ACER2: variants seen among roughly 807,000 people sequenced by gnomAD.
ACER2 encodes the protein alkCDase 2.
A neutral mutation model predicts 34.7 loss-of-function variants in ACER2; 26 were observed. The ratio of observed to expected loss-of-function variants is 0.75; its 90% CI spans 0.55 to 1.04. The LOEUF (loss-of-function observed/expected upper bound fraction) is 1.04. Among genes scored for constraint, ACER2 ranks in the 50% least tolerant of loss-of-function variants. ACER2 has a pLI of 0.00. For missense variants in ACER2, 352 were observed against 340.8 expected (o/e 1.03, Z -0.26); for synonymous variants, 138 against 132.1 (o/e 1.04, Z -0.31).
At chr9:19,448,922 C>G (rs1235581797) in intron 5 of ACER2, among the ~76,000 whole-genome samples, 1 of 152,148 alleles carries the variant, frequency 6.6e-6, no homozygotes, top group Non-Finnish European at 1.5e-5. Context: ...AGGTGGATCA[C>G]CAGGTCAGGA....
chr9:19,427,633 CT>C (rs1163269151), intron 3 of ACER2, among the ~76,000 whole-genome samples: 3 of 133,066 alleles, frequency 2.3e-5, no homozygotes, highest in Non-Finnish European at 4.6e-5. Flanking sequence ...CCCTCCCCCC[CT>C]CCTTTCTTTT....
At chr9:19,444,453 C>T (rs1421719529) in intron 4 of ACER2, among the ~76,000 whole-genome samples, 4 of 152,064 alleles carry the variant, frequency 2.6e-5, no homozygotes, top group Non-Finnish European at 4.4e-5. Flanking sequence ...ACCTCTGGTC[C>T]GCCCGCCTCG....
intron 3 of ACER2, among the ~76,000 whole-genome samples, chr9:19,432,959 A>G (rs1332645897): frequency 6.6e-6 from 1 of 151,600 alleles, no homozygotes; most frequent in Non-Finnish European, 1.5e-5. Context: ...GAAAAAATAC[A>G]GAGAAATCGA....
chr9:19,439,269 C>T (rs1331827600), intron 4 of ACER2, among the ~76,000 whole-genome samples: 1 of 151,956 alleles, frequency 6.6e-6, no homozygotes, highest in African/African-American at 2.4e-5. Context: ...ATTGATTATT[C>T]CCTCCACTCT....
intron 5 of ACER2, among the ~76,000 whole-genome samples, chr9:19,449,776 C>T (rs375523861): frequency 2.0e-5 from 3 of 151,556 alleles, no homozygotes; most frequent in African/African-American, 7.3e-5. Context: ...CCTGTAATCC[C>T]AGCTACTTGG....
intron 3 of ACER2, among the ~76,000 whole-genome samples, chr9:19,426,061 A>G (rs1420972277): frequency 1.3e-5 from 2 of 152,102 alleles, no homozygotes; most frequent in African/African-American, 4.8e-5. Context: ...GTGATATCCT[A>G]ATTTTAGAAT....
chr9:19,411,830 C>T (rs1830095570), intron 1 of ACER2, among the ~76,000 whole-genome samples: 1 of 152,166 alleles, frequency 6.6e-6, no homozygotes, highest in Non-Finnish European at 1.5e-5. Flanking sequence ...CACTACTACA[C>T]CTTCAGATAC....
intron 1 of ACER2, among the ~76,000 whole-genome samples, chr9:19,418,826 C>T (rs571664009): frequency 6.6e-6 from 1 of 152,162 alleles, no homozygotes; most frequent in Admixed American, 6.5e-5. Context: ...ACATATATCC[C>T]AGAACTTAAA....
chr9:19,449,388 G>T (rs1192611400), intron 5 of ACER2, among the ~76,000 whole-genome samples: 1 of 152,110 alleles, frequency 6.6e-6, no homozygotes, highest in African/African-American at 2.4e-5. Flanking sequence ...TTTGTATGTA[G>T]GGATTTAAAC....
At chr9:19,424,230 C>T (rs959365628) in intron 2 of ACER2, 58 of 460,866 alleles carry the variant, frequency 1.3e-4, no homozygotes, top group Non-Finnish European at 1.5e-4. Flanking sequence ...ATTTTCTGAA[C>T]GTCTGAAGAA....
intron 5 of ACER2, among the ~76,000 whole-genome samples, chr9:19,449,329 C>G (rs963546913): frequency 6.6e-6 from 1 of 152,166 alleles, no homozygotes; most frequent in Non-Finnish European, 1.5e-5. Context: ...TGGTTCATAC[C>G]ATTCTCACCT....
intron 5 of ACER2, among the ~76,000 whole-genome samples, chr9:19,448,390 T>C (rs997323788): frequency 3.3e-5 from 5 of 152,204 alleles, no homozygotes; most frequent in Admixed American, 3.3e-4. Flanking sequence ...TCCATACCAA[T>C]ACATATATAT....
At chr9:19,411,312 A>G (rs923531934) in intron 1 of ACER2, among the ~76,000 whole-genome samples, 2 of 152,238 alleles carry the variant, frequency 1.3e-5, no homozygotes, top group Non-Finnish European at 2.9e-5. Flanking sequence ...GTGTCAGAGA[A>G]TAAGGTCATT....
At chr9:19,421,468 A>G (rs1830406141) in intron 1 of ACER2, among the ~76,000 whole-genome samples, 1 of 152,248 alleles carries the variant, frequency 6.6e-6, no homozygotes, top group Non-Finnish European at 1.5e-5. Context: ...ACATTATGCT[A>G]AATGAAAAAA....
At position 19,428,105 on chromosome 9, in the gene ACER2, C is replaced by CTTTCT. The variant is rs370677992; in HGVS notation, c.365+3278_365+3282dup. ...TCTCTCTCTCTCTCTCTTTCTTTCT[C>CTTTCT]TTTCTTTTCTTTTCTTTTTTTCTTG... On this transcript the variant is annotated intron_variant, in intron 3 of 5. Transcript: ENST00000340967. Among the ~76,000 whole-genome samples the CTTTCT allele has an allele frequency of 2.5e-3, 311 of 124,800 alleles. 4 individuals are homozygous for CTTTCT. Among genetic ancestry groups the CTTTCT allele is most frequent in the African/African-American group, 7.7e-3 (257 of 33,234 alleles). The allele number at this position is 124,800 out of a possible 152,430, so 81.9% of individuals were successfully genotyped here. A position where few individuals can be genotyped will look rare whatever the true frequency, so the allele number is the denominator to read the frequency against.
rs1305492684 is a variant in ACER2 at position 19,419,745 on chromosome 9, T to A, written c.109-4117T>A. On this transcript the variant is annotated intron_variant, in intron 1 of 5. Transcript: ENST00000340967. ...GCCGTTGCACTCCAGCCTGGACTAGTGACAGAGTGAGACTCCATCTCAAAA... is the reference window on the plus strand; with the variant it reads ...GCCGTTGCACTCCAGCCTGGACTAGAGACAGAGTGAGACTCCATCTCAAAA... 2.0e-5 allele frequency among the ~76,000 whole-genome samples: 3 copies of A among 152,224 alleles called. No homozygotes were observed. In the East Asian group the frequency reaches 5.8e-4, roughly 29 times the overall value.
At chr9:19,431,516 A>G (rs1167208572) in intron 3 of ACER2, among the ~76,000 whole-genome samples, 2 of 152,334 alleles carry the variant, frequency 1.3e-5, no homozygotes, top group Non-Finnish European at 2.9e-5. Context: ...AAAAAGGCCC[A>G]ATTGCCTTGG....
chr9:19,445,743 C>G (rs1831333140), intron 4 of ACER2, among the ~76,000 whole-genome samples: 1 of 152,132 alleles, frequency 6.6e-6, no homozygotes, highest in Admixed American at 6.5e-5. Context: ...AAGGGAAGAT[C>G]ATGCATCCGG....
chr9:19,428,036 T>TCCTTC (rs1830630394), intron 3 of ACER2, among the ~76,000 whole-genome samples: 1 of 131,540 alleles, frequency 7.6e-6, no homozygotes, highest in Admixed American at 7.7e-5. Flanking sequence ...TCCTTTCCTT[T>TCCTTC]CCTTTCCTTT....
Sources: allele counts gnomAD v4.1 joint callset (sites outside exome capture counted in the v4.1 genomes callset), GRCh38; gene constraint gnomAD v4.1.1; transcripts MANE v1.5; gene names NCBI Gene and HGNC (gene_info 2026-07-23, HGNC 2026-07-21).